MTREX: variants seen among roughly 807,000 people sequenced by gnomAD.
The protein encoded by MTREX is Mtr4 exosome RNA helicase, also known as exosome RNA helicase MTR4.
A neutral mutation model predicts 135.4 loss-of-function variants in MTREX; 76 were observed. The ratio of observed to expected loss-of-function variants is 0.56; its 90% CI spans 0.47 to 0.68. The LOEUF (loss-of-function observed/expected upper bound fraction) is 0.68. Among genes scored for constraint, MTREX ranks in the 30% least tolerant of loss-of-function variants. MTREX has a pLI of 0.00. For missense variants in MTREX, 920 were observed against 1,262.1 expected (o/e 0.73, Z 4.11); for synonymous variants, 404 against 401.6 (o/e 1.01, Z -0.07).
In MTREX at chr5:55,349,106, T is replaced by C. The variant is rs986552148; in HGVS notation, c.1241-467T>C. Among the ~76,000 whole-genome samples the C allele has an allele frequency of 2.6e-5, 4 of 152,152 alleles. No individual in the cohort carries two copies. The East Asian group carries it at 7.7e-4, about 29-fold the overall frequency. ...ATGTTTTGAAAGGCAGAGAATTATA[T>C]TGATTATGTGGTAATTTTTATCTAC... On this transcript the variant is annotated intron_variant, in intron 11 of 26. Coordinates refer to ENST00000230640, the MANE Select transcript of MTREX (RefSeq NM_015360.5).
chr5:55,414,277 A>G (rs1281583094), intron 24 of MTREX, 39 bp downstream of exon 24: 15 of 1,300,598 alleles, frequency 1.2e-5, no homozygotes, highest in South Asian at 1.5e-5. Context: ...TACATATTTT[A>G]TGAATAGTAG....
rs1353123716 is a variant in MTREX at position 55,388,039 on chromosome 5, C to T, written c.2118C>T (p.Ser706=). 5 of 1,608,664 alleles carry T rather than the reference C, an allele frequency of 3.1e-6. No homozygotes were observed. The highest frequency in any genetic ancestry group is 4.3e-6 in the Non-Finnish European group (5 of 1,176,192). ...TACTTCTGCGCTGTAGCAAAGAGAGCTTGAAAAATTCAGCTACAGAAGCTG... is the reference window on the plus strand; with the variant it reads ...TACTTCTGCGCTGTAGCAAAGAGAGTTTGAAAAATTCAGCTACAGAAGCTG... ...VEVLLRCSKE[S]LKNSATEAAK... Residue 706 remains serine, a synonymous_variant, in exon 19 of 27, where the codon AGC becomes AGT. Transcript: ENST00000230640.
chr5:55,333,701 A>G (rs1749510612), intron 5 of MTREX, among the ~76,000 whole-genome samples: 1 of 152,158 alleles, frequency 6.6e-6, no homozygotes, highest in African/African-American at 2.4e-5. Context: ...AAAAAGTTAT[A>G]ATGTAGAATT....
At chr5:55,421,381 C>CA (rs1251236958) in intron 25 of MTREX, among the ~76,000 whole-genome samples, 1 of 152,186 alleles carries the variant, frequency 6.6e-6, no homozygotes, top group Non-Finnish European at 1.5e-5. Context: ...ACTCTGTGGG[C>CA]AACAACCACA....
At chr5:55,327,026 C>G (rs914002375) in intron 3 of MTREX, among the ~76,000 whole-genome samples, 1 of 152,212 alleles carries the variant, frequency 6.6e-6, no homozygotes, top group African/African-American at 2.4e-5. Context: ...AGGACATGAA[C>G]TCATCAACTT....
In MTREX at chr5:55,349,630, A is replaced by G. The variant is rs201094292; in HGVS notation, c.1298A>G (p.Asp433Gly). 15 of 1,601,140 alleles carry G rather than the reference A, an allele frequency of 9.4e-6. No homozygotes were observed. Among genetic ancestry groups the G allele is most frequent in the South Asian group, 3.3e-5 (3 of 90,614 alleles). Residue 433 changes from aspartate to glycine, a missense_variant, in exon 12 of 27, where the codon GAT (aspartate) becomes GGT (glycine). By Grantham distance (94) the Asp-to-Gly change is moderately conservative. Transcript: ENST00000230640. ...VFSNAIDCLS[D>G]EDKKLPQVEH... ...AGTAATGCAATTGATTGCTTATCCGATGAAGATAAAAAACTCCCTCAGGTG... is the reference window on the plus strand; with the variant it reads ...AGTAATGCAATTGATTGCTTATCCGGTGAAGATAAAAAACTCCCTCAGGTG...
chr5:55,321,954 C>T (rs1330422883), intron 1 of MTREX, among the ~76,000 whole-genome samples: 1 of 152,042 alleles, frequency 6.6e-6, no homozygotes, highest in African/African-American at 2.4e-5. Context: ...AATCTAATCA[C>T]AAAAAATTTT....
At chr5:55,385,007 G>A (rs1389995206) in intron 18 of MTREX, among the ~76,000 whole-genome samples, 2 of 152,190 alleles carry the variant, frequency 1.3e-5, no homozygotes, top group African/African-American at 4.8e-5. Flanking sequence ...AACCTCTGCT[G>A]TTTCTGAAAG....
chr5:55,424,405 A>G (rs1751113605), intron 26 of MTREX: 2 of 178,810 alleles, frequency 1.1e-5, no homozygotes, highest in South Asian at 1.7e-4. Flanking sequence ...TTGGCCTCCC[A>G]GAGTGCTGGG....
intron 16 of MTREX, among the ~76,000 whole-genome samples, chr5:55,369,824 ACC>A (rs1356268708): frequency 6.6e-6 from 1 of 151,928 alleles, no homozygotes; most frequent in East Asian, 1.9e-4. Context: ...CCAGTCACTA[ACC>A]CGTGTTATTT....
In MTREX at chr5:55,322,458, A is replaced by T; in HGVS notation, c.266A>T (p.Asp89Val). 3.2e-6 allele frequency: 5 copies of T among 1,574,812 alleles called. No individual in the cohort carries two copies. Among genetic ancestry groups the T allele is most frequent in the Non-Finnish European group, 4.3e-6 (5 of 1,165,596 alleles). ...KPRIEESITE[D>V]LSLADLMPRV... Reference sequence around the variant, plus strand: ...AGGATAGAAGAGTCAATAACTGAAGACTTAAGGTAATATTTCCAAAGTCCT... The same window carrying T: ...AGGATAGAAGAGTCAATAACTGAAGTCTTAAGGTAATATTTCCAAAGTCCT... The change falls in exon 2 of 27, where the codon GAC becomes GTC. Residue 89 changes from aspartate to valine, a missense_variant. Asp to Val is a radical substitution (Grantham distance 152, BLOSUM62 -3). This residue lies in a region of MTREX where 136 missense variants were observed against 126.7 expected (regional missense o/e 1.07). Transcript: ENST00000230640.
At chr5:55,396,790 A>G (rs968829755) in intron 19 of MTREX, among the ~76,000 whole-genome samples, 25 of 152,340 alleles carry the variant, frequency 1.6e-4, no homozygotes, top group Non-Finnish European at 3.1e-4. Context: ...AAAAGTAGCC[A>G]TGGAAGACAG....
At chr5:55,339,972 A>G in intron 5 of MTREX, 38 bp from the exon 6 acceptor site, 1 of 1,401,832 alleles carries the variant, frequency 7.1e-7, no homozygotes, top group African/African-American at 1.5e-5. Context: ...CATAATTTAA[A>G]GGAAAAGTTG....
intron 22 of MTREX, among the ~76,000 whole-genome samples, chr5:55,409,980 C>T (rs371453377): frequency 7.4e-4 from 112 of 152,028 alleles, no homozygotes; most frequent in African/African-American, 2.6e-3. Context: ...TTGGGGAGAC[C>T]GAGGTGGGAG....
intron 16 of MTREX, among the ~76,000 whole-genome samples, chr5:55,369,356 A>G (rs1348919145): frequency 6.6e-6 from 1 of 152,246 alleles, no homozygotes; most frequent in Non-Finnish European, 1.5e-5. Context: ...CATGAGTAGG[A>G]TAATTATACA....
At chr5:55,358,063 G>A (rs761379245) in intron 14 of MTREX, among the ~76,000 whole-genome samples, 4 of 152,182 alleles carry the variant, frequency 2.6e-5, no homozygotes, top group Admixed American at 6.5e-5. Flanking sequence ...TTCGCTGGGC[G>A]TGGTGGCTCA....
chr5:55,318,243 A>G (rs1028129017), intron 1 of MTREX, among the ~76,000 whole-genome samples: 1 of 152,200 alleles, frequency 6.6e-6, no homozygotes, highest in African/African-American at 2.4e-5. Context: ...CAGATATACC[A>G]TTAGACCCAG....
intron 16 of MTREX, among the ~76,000 whole-genome samples, chr5:55,373,509 A>T (rs1390995599): frequency 3.3e-5 from 5 of 152,028 alleles, no homozygotes; most frequent in Non-Finnish European, 7.4e-5. Context: ...TGTGGACAAA[A>T]GCTCTTGTGT....
chr5:55,359,995 A>G (rs1561197009), intron 15 of MTREX, among the ~76,000 whole-genome samples: 1 of 152,170 alleles, frequency 6.6e-6, no homozygotes, highest in Non-Finnish European at 1.5e-5. Flanking sequence ...GGTTTTTAAT[A>G]TATTCATAGA....
Sources: gnomAD v4.1 joint callset for allele counts (sites outside exome capture counted in the v4.1 genomes callset) on GRCh38, gnomAD v4.1.1 for gene constraint, gnomAD v4.1.1 regional missense constraint, MANE v1.5 for transcripts, NCBI Gene and HGNC (gene_info 2026-07-23, HGNC 2026-07-21) for gene names.